Variants in DUSP12 observed in about 807,000 individuals in gnomAD.
DUSP12 encodes the protein dual specificity protein phosphatase 12.
Under a neutral mutation model 38.9 loss-of-function variants are expected in DUSP12, and 25 were observed. That is an observed-to-expected ratio of 0.64 (90% confidence interval 0.47 to 0.90). DUSP12 has a LOEUF of 0.90. DUSP12 is among the 40% of genes least tolerant of loss of function. The pLI is 0.00. For synonymous variants in DUSP12, 153 were observed against 153.9 expected, an observed-to-expected ratio of 0.99 and a Z score of 0.05; for missense variants, 403 against 427.0, an observed-to-expected ratio of 0.94 and a Z score of 0.50.
At chr1:161,755,280 G>A (rs1280856274) in intron 5 of DUSP12, among the ~76,000 whole-genome samples, 1 of 152,100 alleles carries the variant, frequency 6.6e-6, no homozygotes, top group Non-Finnish European at 1.5e-5. Flanking sequence ...CTCCAGCCAA[G>A]TTAAATACAT....
In DUSP12 at chr1:161,750,068, C is replaced by A; in HGVS notation, c.267C>A (p.Asp89Glu). ...FVPALDKPETDLLSHLDRCVA... is the reference protein window; with the variant it reads ...FVPALDKPETELLSHLDRCVA... ...CAGCGCTGGACAAACCCGAGACGGA[C>A]CTACTCAGCCATCTGGACCGGTGCG... Residue 89 changes from aspartate to glutamate, a missense_variant, in exon 1 of 6, where the codon GAC becomes GAA. By Grantham distance (45) the Asp-to-Glu change is conservative (BLOSUM62 2). Transcript: ENST00000367943. The A allele has an allele frequency of 6.2e-7, 1 of 1,614,028 alleles. No homozygotes were observed. The highest frequency in any genetic ancestry group is 1.1e-5 in the South Asian group (1 of 91,086).
Position 161,753,187 on chromosome 1 carries a change from G to T in DUSP12, c.787G>T (p.Ala263Ser). The T allele has an allele frequency of 6.2e-7, 1 of 1,614,134 alleles. No individual in the cohort carries two copies. Among genetic ancestry groups the T allele is most frequent in the Non-Finnish European group, 8.5e-7 (1 of 1,179,990 alleles). ...TTCCATGCTTACCACAGGGAGGCAA[G>T]CTCAATGTACATCTTATTTCATTGA... is the stretch of plus-strand genomic sequence containing the variant. ...PSSMLTTGRQ[A>S]QCTSYFIEPV... Residue 263 changes from alanine (A) to serine (S), a missense_variant, in exon 5 of 6, where the codon GCT becomes TCT. Ala to Ser is a moderately conservative substitution (Grantham distance 99). Coordinates refer to ENST00000367943, the MANE Select transcript of DUSP12 (RefSeq NM_007240.3).
At position 161,751,676 on chromosome 1, in the gene DUSP12, G is replaced by A; in HGVS notation, c.353G>A (p.Gly118Glu). 1.2e-6 allele frequency: 2 copies of A among 1,607,312 alleles called. No homozygotes were observed. The highest frequency in any genetic ancestry group is 1.7e-6 in the Non-Finnish European group (2 of 1,178,324). The change falls in exon 2 of 6, where the codon GGA becomes GAA. Residue 118 changes from glycine (G) to glutamate (E), a missense_variant. By Grantham distance (98) the Gly-to-Glu change is moderately conservative (BLOSUM62 -2). Transcript: ENST00000367943. Reference sequence around the variant, plus strand: ...AAAGGTCTCTTTTTCAGTCATGCAGGAGTCAGTCGAAGTGTGGCCATAATA... The same window carrying A: ...AAAGGTCTCTTTTTCAGTCATGCAGAAGTCAGTCGAAGTGTGGCCATAATA... ...GRAVLVHCHA[G>E]VSRSVAIITA... is the part of the protein sequence containing the mutation.
In DUSP12 at chr1:161,753,803, G is replaced by T. The variant is rs181279551; in HGVS notation, c.861+542G>T. Among the ~76,000 whole-genome samples, 5 of 152,198 alleles carry T rather than the reference G, an allele frequency of 3.3e-5. No individual in the cohort carries two copies. The East Asian group carries it at 9.6e-4, about 29-fold the overall frequency. On this transcript the variant is annotated intron_variant, in intron 5 of 5. Coordinates refer to ENST00000367943, the MANE Select transcript of DUSP12 (RefSeq NM_007240.3). ...GGGTAAATCAGGGATTTTAAAATTA[G>T]GTTAAAAATTCTGTCTTTCTTTTTC...
At chr1:161,754,484 T>G (rs1360894886) in intron 5 of DUSP12, among the ~76,000 whole-genome samples, 1 of 152,196 alleles carries the variant, frequency 6.6e-6, no homozygotes, top group Non-Finnish European at 1.5e-5. Flanking sequence ...ATAAAGATAG[T>G]ACGTGAGACT....
At position 161,749,924 on chromosome 1, in the gene DUSP12, C is replaced by T. The variant is rs774257991; in HGVS notation, c.123C>T (p.Ala41=). The change falls in exon 1 of 6, where the codon GCC becomes GCT. Residue 41 remains alanine, a synonymous_variant. Transcript: ENST00000367943. The part of the protein sequence containing the change: ...QPGLYFGGAA[A]VAEPDHLREA... Reference sequence around the variant, plus strand: ...GATTGTATTTCGGTGGGGCCGCGGCCGTCGCGGAGCCAGATCACCTGAGGG... The same window carrying T: ...GATTGTATTTCGGTGGGGCCGCGGCTGTCGCGGAGCCAGATCACCTGAGGG... 1 of 1,613,866 alleles carries T rather than the reference C, an allele frequency of 6.2e-7. No individual in the cohort carries two copies. Among genetic ancestry groups the T allele is most frequent in the South Asian group, 1.1e-5 (1 of 91,076 alleles).
At chr1:161,755,659 C>T (rs1487995850) in intron 5 of DUSP12, among the ~76,000 whole-genome samples, 1 of 152,136 alleles carries the variant, frequency 6.6e-6, no homozygotes, top group East Asian at 1.9e-4. Context: ...CTTTCATATT[C>T]CTAGGCCCAT....
Position 161,749,998 on chromosome 1 carries a change from T to G in DUSP12, c.197T>G (p.Phe66Cys). 2 of 1,614,038 alleles carry G rather than the reference T, an allele frequency of 1.2e-6. No homozygotes were observed. The highest frequency in any genetic ancestry group is 1.7e-6 in the Non-Finnish European group (2 of 1,179,974). ...ACAGTGGACTCGGAGGAGCCCAGCT[T>G]CAAGGCGGGGCCTGGGGTCGAGGAT... ...VLTVDSEEPSFKAGPGVEDLW... is the reference protein window; with the variant it reads ...VLTVDSEEPSCKAGPGVEDLW... The change falls in exon 1 of 6, where the codon TTC becomes TGC. Residue 66 changes from phenylalanine (F) to cysteine (C), a missense_variant. Transcript: ENST00000367943.
intron 1 of DUSP12, 93 bp from the exon 2 acceptor site, chr1:161,751,575 C>A: frequency 1.3e-6 from 2 of 1,489,544 alleles, no homozygotes; most frequent in South Asian, 1.4e-5. Flanking sequence ...TGAAGTGGGC[C>A]TAAACTTTAC....
In DUSP12 at chr1:161,753,067, G is replaced by A; in HGVS notation, c.675-8G>A. 4 of 1,592,178 alleles carry A rather than the reference G, an allele frequency of 2.5e-6. No homozygotes were observed. Among genetic ancestry groups the A allele is most frequent in the Non-Finnish European group, 3.4e-6 (4 of 1,168,056 alleles). The stretch of plus-strand genomic sequence containing the variant: ...TCATTAATGCTTTTGTTTGTTTGGG[G>A]GTTGCAGGCGATCATTATTTCGAAG... On this transcript the variant is annotated splice_region_variant and splice_polypyrimidine_tract_variant and intron_variant, in intron 4 of 5. Coordinates refer to ENST00000367943, the MANE Select transcript of DUSP12 (RefSeq NM_007240.3).
intron 5 of DUSP12, among the ~76,000 whole-genome samples, chr1:161,756,518 T>C (rs1162158079): frequency 7.9e-6 from 1 of 126,290 alleles, no homozygotes; most frequent in Non-Finnish European, 1.6e-5. Context: ...TATATATATA[T>C]ATGCCACATC....
intron 5 of DUSP12, among the ~76,000 whole-genome samples, chr1:161,755,471 G>A (rs1684094298): frequency 1.3e-5 from 2 of 152,046 alleles, no homozygotes; most frequent in Admixed American, 6.6e-5. Flanking sequence ...CTGAATGCAT[G>A]TACCCGTTAC....
chr1:161,751,954 C>T lies in DUSP12; in HGVS notation c.547C>T (p.Arg183Cys), dbSNP rs778635807. The T allele has an allele frequency of 5.0e-6, 8 of 1,610,972 alleles. No individual in the cohort carries two copies. The Admixed American group carries it at 6.7e-5, about 13-fold the overall frequency. Residue 183 changes from arginine (R) to cysteine (C), a missense_variant, in exon 3 of 6, where the codon CGT (arginine) becomes TGT (cysteine). By Grantham distance (180) the Arg-to-Cys change is radical. Transcript: ENST00000367943. Reference protein sequence around the residue: ...DTSSAIYKQYRLQKVTEKYPE... With the variant: ...DTSSAIYKQYCLQKVTEKYPE... ...CTCTAGTGCAATTTATAAGCAATAT[C>T]GTTTACAAAAGGTTACAGAGAAGTA... is the stretch of plus-strand genomic sequence containing the variant.
At chr1:161,753,816 G>A (rs186378097) in intron 5 of DUSP12, among the ~76,000 whole-genome samples, 1 of 141,776 alleles carries the variant, frequency 7.1e-6, no homozygotes, top group African/African-American at 2.5e-5. Flanking sequence ...TAAAAATTCT[G>A]TCTTTCTTTT....
chr1:161,757,232 T>C lies in DUSP12; in HGVS notation c.*285T>C. ...ATGTTATATGATCTTAAGGTCTGTA[T>C]AGACAAAATTATGTACAAAAATTTG... is the stretch of plus-strand genomic sequence containing the variant. On this transcript the variant is annotated 3_prime_UTR_variant, in exon 6 of 6. Transcript: ENST00000367943. 1 of 199,610 alleles carries C rather than the reference T, an allele frequency of 5.0e-6. No homozygotes were observed. Among genetic ancestry groups the C allele is most frequent in the East Asian group, 1.1e-4 (1 of 9,276 alleles). The allele number at this position is 199,610 out of a possible 1,614,324, so 12.4% of individuals were successfully genotyped here.
Position 161,751,917 on chromosome 1 carries a change from C to T in DUSP12, c.510C>T (p.Tyr170=), listed in dbSNP as rs1063178. Reference sequence around the variant, plus strand: ...TGAAATTATACCAGGCAATGGGATACGAAGTGGATACCTCTAGTGCAATTT... The same window carrying T: ...TGAAATTATACCAGGCAATGGGATATGAAGTGGATACCTCTAGTGCAATTT... ...WQLKLYQAMG[Y]EVDTSSAIYK... is the part of the protein sequence containing the mutation. Residue 170 remains tyrosine (Y), a synonymous_variant, in exon 3 of 6, where the codon TAC becomes TAT. Coordinates refer to ENST00000367943, the MANE Select transcript of DUSP12 (RefSeq NM_007240.3). The T allele has an allele frequency of 0.34, 543,525 of 1,609,770 alleles. 93,685 individuals are homozygous for T. The highest frequency in any genetic ancestry group is 0.5 in the East Asian group (22,208 of 44,830).
chr1:161,749,992 C>A lies in DUSP12; in HGVS notation c.191C>A (p.Pro64His). Residue 64 changes from proline to histidine, a missense_variant, in exon 1 of 6, where the codon CCC (proline) becomes CAC (histidine). Coordinates refer to ENST00000367943, the MANE Select transcript of DUSP12 (RefSeq NM_007240.3). The part of the protein sequence containing the change: ...TAVLTVDSEE[P>H]SFKAGPGVED... ...GTGCTAACAGTGGACTCGGAGGAGCCCAGCTTCAAGGCGGGGCCTGGGGTC... is the reference window on the plus strand; with the variant it reads ...GTGCTAACAGTGGACTCGGAGGAGCACAGCTTCAAGGCGGGGCCTGGGGTC... The A allele has an allele frequency of 1.9e-6, 3 of 1,614,068 alleles. No individual in the cohort carries two copies. Among genetic ancestry groups the A allele is most frequent in the Non-Finnish European group, 2.5e-6 (3 of 1,179,982 alleles).
Position 161,752,482 on chromosome 1 carries a change from C to G in DUSP12, c.674+18C>G, listed in dbSNP as rs10917852. ...AAGTGCAGGTAAACTATTTTATATC[C>G]TTTGGATATTTTATCTTGTCTCAGT... On this transcript the variant is annotated intron_variant, in intron 4 of 5. Transcript: ENST00000367943. The G allele has an allele frequency of 6.7e-7, 1 of 1,496,908 alleles. No homozygotes were observed. The highest frequency in any genetic ancestry group is 1.2e-5 in the South Asian group (1 of 85,070). 92.7% of individuals were successfully genotyped at this position (1,496,908 alleles called of 1,614,324 possible). A position where few individuals can be genotyped will look rare whatever the true frequency, so the allele number is the denominator to read the frequency against.
At chr1:161,755,350 T>C (rs1468075471) in intron 5 of DUSP12, among the ~76,000 whole-genome samples, 1 of 152,210 alleles carries the variant, frequency 6.6e-6, no homozygotes, top group African/African-American at 2.4e-5. Context: ...GATTTTTTTC[T>C]GTAGAATATG....
Sources: allele counts gnomAD v4.1 joint callset (sites outside exome capture counted in the v4.1 genomes callset), GRCh38; gene constraint gnomAD v4.1.1; transcripts MANE v1.5; gene names NCBI Gene and HGNC (gene_info 2026-07-23, HGNC 2026-07-21).